Variants in WDFY3 observed in about 807,000 individuals in gnomAD.
WDFY3 encodes WD repeat and FYVE domain containing 3.
Under a neutral mutation model 409.6 loss-of-function variants are expected in WDFY3, and 66 were observed. That is an observed-to-expected ratio of 0.16 (90% CI 0.13 to 0.20). WDFY3 has a LOEUF of 0.20. Ranked by LOEUF, WDFY3 falls within the 10% of genes least tolerant of loss-of-function variation. WDFY3 has a pLI of 1.00. For synonymous variants in WDFY3, 1,521 were observed against 1,537.1 expected (o/e 0.99, Z 0.25); for missense variants, 3,031 against 4,298.1 (o/e 0.71, Z 8.24).
intron 47 of WDFY3, 81 bp from the exon 48 acceptor site, chr4:84,718,651 G>C: frequency 6.8e-7 from 1 of 1,473,800 alleles, no homozygotes; most frequent in Non-Finnish European, 9.1e-7. Context: ...GGCATCCCTA[G>C]AGCTAAGCAT....
intron 1 of WDFY3, among the ~76,000 whole-genome samples, chr4:84,949,259 A>G (rs1202184366): frequency 1.3e-5 from 2 of 152,236 alleles, no homozygotes; most frequent in Non-Finnish European, 2.9e-5. Flanking sequence ...AACAGAAAAT[A>G]TACAAAAGAA....
intron 4 of WDFY3, among the ~76,000 whole-genome samples, chr4:84,857,999 C>A (rs1760012463): frequency 6.6e-6 from 1 of 152,144 alleles, no homozygotes; most frequent in African/African-American, 2.4e-5. Flanking sequence ...TTATCATCTC[C>A]AACCTTCACT....
At chr4:84,857,782 A>G (rs1032900731) in intron 4 of WDFY3, among the ~76,000 whole-genome samples, 1 of 152,162 alleles carries the variant, frequency 6.6e-6, no homozygotes, top group Non-Finnish European at 1.5e-5. Flanking sequence ...TTTCATAAGT[A>G]AGGAAATGTA....
At chr4:84,761,939 C>T (rs1383289194) in intron 32 of WDFY3, among the ~76,000 whole-genome samples, 1 of 152,046 alleles carries the variant, frequency 6.6e-6, no homozygotes, top group African/African-American at 2.4e-5. Context: ...GTTAGAATGG[C>T]AATCATTAAA....
chr4:84,929,240 T>C (rs1232315138), intron 2 of WDFY3, among the ~76,000 whole-genome samples: 1 of 152,126 alleles, frequency 6.6e-6, no homozygotes, highest in African/African-American at 2.4e-5. Context: ...AAGAACTAAA[T>C]GCTGCCAATA....
chr4:84,950,395 T>C (rs1262878767), intron 1 of WDFY3, among the ~76,000 whole-genome samples: 1 of 150,612 alleles, frequency 6.6e-6, no homozygotes, highest in Non-Finnish European at 1.5e-5. Flanking sequence ...TGCACACATA[T>C]CCCAGAACTT....
At chr4:84,829,358 G>A (rs1340094335) in intron 8 of WDFY3, among the ~76,000 whole-genome samples, 168 bp from the exon 9 acceptor site, 1 of 152,064 alleles carries the variant, frequency 6.6e-6, no homozygotes, top group Non-Finnish European at 1.5e-5. Flanking sequence ...CATATGCATT[G>A]GGAAAGCACT....
intron 11 of WDFY3, 96 bp downstream of exon 11, chr4:84,820,988 A>T (rs1753972195): frequency 7.4e-6 from 9 of 1,214,642 alleles, no homozygotes; most frequent in Non-Finnish European, 1.0e-5. Context: ...TTAGGAAGTC[A>T]TTGAAATCAA....
chr4:84,843,094 A>G (rs963506569), intron 5 of WDFY3, among the ~76,000 whole-genome samples: 3 of 152,166 alleles, frequency 2.0e-5, no homozygotes, highest in African/African-American at 7.2e-5. Context: ...TAACCTTTAC[A>G]AGAACCCTGT....
Position 84,860,485 on chromosome 4 carries a change from C to G in WDFY3, c.107G>C (p.Cys36Ser). Reference protein sequence around the residue: ...MHLRRLFTELCHPPRHMTQKE... With the variant: ...MHLRRLFTELSHPPRHMTQKE... ...CTGAGTCATGTGCCGGGGAGGATGG[C>G]ACAACTCCGTGAAGAGCCGGCGGAG... The change falls in exon 4 of 68, where the codon TGC becomes TCC. Residue 36 changes from cysteine (C) to serine (S), a missense_variant. Physicochemically the swap from Cys to Ser is moderately radical, Grantham distance 112 (BLOSUM62 -1). Coordinates refer to ENST00000295888, the MANE Select transcript of WDFY3 (RefSeq NM_014991.6). 6.2e-7 allele frequency: 1 copy of G among 1,614,084 alleles called. No individual in the cohort carries two copies. The highest frequency in any genetic ancestry group is 1.3e-5 in the African/African-American group (1 of 75,018).
At chr4:84,790,109 G>A (rs926139578) in intron 21 of WDFY3, among the ~76,000 whole-genome samples, 46 of 152,116 alleles carry the variant, frequency 3.0e-4, no homozygotes, top group African/African-American at 1.1e-3. Context: ...CAGCCCTTTG[G>A]GAGGCTGAGG....
intron 15 of WDFY3, among the ~76,000 whole-genome samples, chr4:84,804,510 G>A (rs1751188872): frequency 1.3e-5 from 2 of 152,142 alleles, no homozygotes; most frequent in Non-Finnish European, 2.9e-5. Flanking sequence ...AAGGCACACA[G>A]GCTCTCCTAG....
intron 25 of WDFY3, among the ~76,000 whole-genome samples, chr4:84,780,665 G>A (rs1233927879): frequency 1.3e-5 from 2 of 152,134 alleles, no homozygotes; most frequent in African/African-American, 4.8e-5. Context: ...ACAGGAGGCT[G>A]AGGCAGGAGA....
At position 84,870,886 on chromosome 4, in the gene WDFY3, T is replaced by TAA. The variant is rs34424987; in HGVS notation, c.-31-10266_-31-10265dup. On this transcript the variant is annotated intron_variant, in intron 3 of 67. Transcript: ENST00000295888. The stretch of plus-strand genomic sequence containing the variant: ...AACTTTCACCATACCAACAGGGCTC[T>TAA]AAAAAAAAAAAAGAAATGCTAGAAA... 2.1e-4 allele frequency among the ~76,000 whole-genome samples: 31 copies of TAA among 144,582 alleles called. 1 individual carries two copies. Among genetic ancestry groups the TAA allele is most frequent in the East Asian group, 1.0e-3 (5 of 4,936 alleles). The allele number at this position is 144,582 out of a possible 152,430, so 94.9% of individuals were successfully genotyped here.
intron 5 of WDFY3, among the ~76,000 whole-genome samples, chr4:84,849,005 T>C (rs548484432): frequency 6.6e-6 from 1 of 152,238 alleles, no homozygotes; most frequent in East Asian, 1.9e-4. Flanking sequence ...TTCACAGCAA[T>C]AGTCAAAAAA....
At chr4:84,824,912 T>C (rs932678730) in intron 10 of WDFY3, among the ~76,000 whole-genome samples, 2 of 152,180 alleles carry the variant, frequency 1.3e-5, no homozygotes, top group Admixed American at 6.5e-5. Flanking sequence ...GCTTCACCCA[T>C]TCACTTTATA....
intron 19 of WDFY3, 132 bp downstream of exon 19, chr4:84,796,389 A>C: frequency 1.9e-6 from 1 of 527,822 alleles, no homozygotes; most frequent in Non-Finnish European, 3.0e-6. Context: ...TGCTCAAAAA[A>C]CTCAATAATT....
At position 84,684,050 on chromosome 4, in the gene WDFY3, T is replaced by C. The variant is rs751432745; in HGVS notation, c.9619A>G (p.Thr3207Ala). The C allele has an allele frequency of 3.1e-6, 5 of 1,613,676 alleles. No individual in the cohort carries two copies. Among genetic ancestry groups the C allele is most frequent in the African/African-American group, 1.3e-5 (1 of 75,054 alleles). The change falls in exon 63 of 68, where the codon ACG becomes GCG. Residue 3207 changes from threonine (T) to alanine (A), a missense_variant. Thr to Ala is a moderately conservative substitution (Grantham distance 58). Coordinates refer to ENST00000295888, the MANE Select transcript of WDFY3 (RefSeq NM_014991.6). ...INGNPIVSVN[T>A]FTGRSQQIIC... Reference sequence around the variant, plus strand: ...ATCTGCTGGCTCCTACCTGTGAACGTGTTGACACTCACGATAGGGTTCCCA... The same window carrying C: ...ATCTGCTGGCTCCTACCTGTGAACGCGTTGACACTCACGATAGGGTTCCCA...
chr4:84,838,301 C>T (rs1214006005), intron 6 of WDFY3, among the ~76,000 whole-genome samples: 1 of 152,202 alleles, frequency 6.6e-6, no homozygotes, highest in Non-Finnish European at 1.5e-5. Context: ...ATCCTTATTT[C>T]ACAAATGAAG....
Sources: allele counts gnomAD v4.1 joint callset (sites outside exome capture counted in the v4.1 genomes callset), GRCh38; gene constraint gnomAD v4.1.1; transcripts MANE v1.5; gene names NCBI Gene and HGNC (gene_info 2026-07-23, HGNC 2026-07-21).